PGCKA1: variants seen among roughly 807,000 people sequenced by gnomAD.
PGCKA1 encodes PDCD10 and GCKIII kinases associated 1, also known as PDCD10 and GCKIII kinases-associated protein 1.
the PGCKA1 span, among the ~76,000 whole-genome samples, chr4:37,580,254 G>A: frequency 2.8e-5 from 4 of 145,042 alleles, no homozygotes; most frequent in Non-Finnish European, 6.0e-5. Flanking sequence ...ATATATCTCT[G>A]TTTCTCTAGG....
the PGCKA1 span, among the ~76,000 whole-genome samples, chr4:37,545,044 T>C: frequency 2.0e-5 from 3 of 151,994 alleles, no homozygotes; most frequent in African/African-American, 4.8e-5. Context: ...TCAGTAGAGA[T>C]GGGGTTTCTC....
chr4:37,572,068 T>TTTTTC, the PGCKA1 span, among the ~76,000 whole-genome samples: 23 of 109,794 alleles, frequency 2.1e-4, no homozygotes, highest in African/African-American at 6.6e-4. Context: ...TTTTTCTTTT[T>TTTTTC]TTTTTTTTTT....
the PGCKA1 span, among the ~76,000 whole-genome samples, chr4:37,589,464 A>G: frequency 2.0e-5 from 3 of 152,174 alleles, no homozygotes; most frequent in Admixed American, 1.3e-4. Context: ...TTATCATTTT[A>G]GTGACTGCAT....
chr4:37,559,629 C>T, the PGCKA1 span, among the ~76,000 whole-genome samples: 1 of 152,034 alleles, frequency 6.6e-6, no homozygotes, highest in Non-Finnish European at 1.5e-5. Context: ...TTCAGTTTCT[C>T]AGGCCCCATC....
At chr4:37,545,314 C>A in the PGCKA1 span, among the ~76,000 whole-genome samples, 2 of 152,062 alleles carry the variant, frequency 1.3e-5, no homozygotes, top group African/African-American at 2.4e-5. Flanking sequence ...GGTATGAAAC[C>A]CCTGCCCTCC....
chr4:37,509,835 C>T, the PGCKA1 span, among the ~76,000 whole-genome samples: 27 of 151,786 alleles, frequency 1.8e-4, no homozygotes, highest in South Asian at 6.3e-4. Context: ...TGGCGGCGCG[C>T]GCCTGCAATC....
At chr4:37,528,553 T>G in the PGCKA1 span, among the ~76,000 whole-genome samples, 1 of 152,190 alleles carries the variant, frequency 6.6e-6, no homozygotes, top group Non-Finnish European at 1.5e-5. Flanking sequence ...TCAGTTTAAG[T>G]CTGATGAGGA....
chr4:37,453,649 T>G, the PGCKA1 span, among the ~76,000 whole-genome samples: 4 of 152,126 alleles, frequency 2.6e-5, no homozygotes, highest in East Asian at 7.8e-4. Context: ...AACATTGGAG[T>G]AAGCACCCCG....
chr4:37,517,308 A>AAT, the PGCKA1 span, among the ~76,000 whole-genome samples: 1 of 145,976 alleles, frequency 6.9e-6, no homozygotes, highest in Non-Finnish European at 1.5e-5. Flanking sequence ...AATATATATA[A>AAT]ATATATATAT....
chr4:37,479,414 T>G, the PGCKA1 span, among the ~76,000 whole-genome samples: 2 of 152,282 alleles, frequency 1.3e-5, no homozygotes, highest in South Asian at 4.1e-4. Context: ...AGATAGGCCC[T>G]CCCCAAACTT....
At chr4:37,554,799 T>C in the PGCKA1 span, among the ~76,000 whole-genome samples, 2 of 152,172 alleles carry the variant, frequency 1.3e-5, no homozygotes, top group African/African-American at 2.4e-5. Flanking sequence ...GAAAATAATA[T>C]GTGCAAAGGT....
chr4:37,463,776 T>G, the PGCKA1 span, among the ~76,000 whole-genome samples: 1 of 149,740 alleles, frequency 6.7e-6, no homozygotes, highest in South Asian at 2.1e-4. Context: ...TTCAAAGATT[T>G]AATGGGGCAA....
the PGCKA1 span, among the ~76,000 whole-genome samples, chr4:37,585,233 A>G: frequency 0.018 from 11 of 598 alleles, 1 homozygote; most frequent in East Asian, 0.17. Flanking sequence ...GAGGAGAGGT[A>G]TTGAGGGAGG....
the PGCKA1 span, among the ~76,000 whole-genome samples, chr4:37,507,299 A>T: frequency 6.6e-6 from 1 of 152,014 alleles, no homozygotes. Flanking sequence ...ATTGATAAGG[A>T]CTTAGTTGTG....
the PGCKA1 span, among the ~76,000 whole-genome samples, chr4:37,524,923 G>GGAA: frequency 6.6e-6 from 1 of 152,132 alleles, no homozygotes. Flanking sequence ...AAAAGGGAAG[G>GGAA]GAAGGGAAGG....
the PGCKA1 span, among the ~76,000 whole-genome samples, chr4:37,527,703 G>A: frequency 4.6e-5 from 7 of 151,472 alleles, no homozygotes; most frequent in South Asian, 2.1e-4. Context: ...GGTGGCGGGC[G>A]CCTGTAGTCC....
At chr4:37,480,496 CAAAA>C in the PGCKA1 span, among the ~76,000 whole-genome samples, 4 of 149,170 alleles carry the variant, frequency 2.7e-5, no homozygotes, top group East Asian at 2.3e-4. Flanking sequence ...CCATTAAAAA[CAAAA>C]AACAAACAAA....
chr4:37,460,105 TGTTA>T, the PGCKA1 span, among the ~76,000 whole-genome samples: 16 of 152,204 alleles, frequency 1.1e-4, no homozygotes, highest in East Asian at 2.9e-3. Context: ...TCTGCTCCTG[TGTTA>T]GTTTGCTGAG....
the PGCKA1 span, among the ~76,000 whole-genome samples, chr4:37,536,376 CT>C: frequency 0.5 from 75,619 of 151,170 alleles, 21,149 homozygotes; most frequent in Non-Finnish European, 0.64. Flanking sequence ...AAACAACAAA[CT>C]TTTTTTTTTA....
Sources: gnomAD v4.1 joint callset for allele counts (sites outside exome capture counted in the v4.1 genomes callset) on GRCh38, gnomAD v4.1.1 for gene constraint, MANE v1.5 for transcripts, NCBI Gene and HGNC (gene_info 2026-07-23, HGNC 2026-07-21) for gene names.